The following TRIML1 variants were observed in gnomAD, a reference collection of about 807,000 sequenced individuals.
TRIML1 encodes tripartite motif family like 1.
TRIML1 carries 34 observed loss-of-function variants against 32.3 expected under a neutral mutation model. That is an observed-to-expected ratio of 1.05 (90% CI 0.80 to 1.40). The LOEUF is 1.40. Ranked by LOEUF, TRIML1 falls within the 40% of genes most tolerant of loss-of-function variation. The pLI, the probability that TRIML1 is intolerant of heterozygous loss-of-function variation, is 0.00. For missense variants in TRIML1, 595 were observed against 574.9 expected (o/e 1.03, Z -0.36); for synonymous variants, 244 against 226.6 (o/e 1.08, Z -0.69).
chr4:188,141,418 G>T (rs192430071), intron 2 of TRIML1, among the ~76,000 whole-genome samples: 1 of 151,834 alleles, frequency 6.6e-6, no homozygotes, highest in Non-Finnish European at 1.5e-5. Flanking sequence ...CACCTGTCTC[G>T]GTCTCCCAAA....
chr4:188,148,078 G>A (rs996798397), downstream of TRIML1, among the ~76,000 whole-genome samples: 2 of 152,174 alleles, frequency 1.3e-5, no homozygotes, highest in Non-Finnish European at 2.9e-5. Context: ...ATCATGACAC[G>A]GGATGCCAAG....
Position 188,146,972 on chromosome 4 carries a change from TCAC to T in TRIML1, c.1010_1012del (p.Thr337del). On this transcript the variant is annotated inframe_deletion, in exon 6 of 6. Coordinates refer to ENST00000332517, the MANE Select transcript of TRIML1 (RefSeq NM_178556.5). ...GCGACTGTGCTGGGTACTCAGATCT[TCAC>T]CAGTGGGAGACACTACTGGGAGGTG... is the stretch of plus-strand genomic sequence containing the variant. The T allele has an allele frequency of 6.4e-7, 1 of 1,560,252 alleles. No homozygotes were observed. The highest frequency in any genetic ancestry group is 8.7e-7 in the Non-Finnish European group (1 of 1,153,692).
chr4:188,142,273 C>G lies in TRIML1; in HGVS notation c.526C>G (p.Gln176Glu). Residue 176 changes from glutamine (Q) to glutamate (E), a missense_variant, in exon 3 of 6, where the codon CAG becomes GAG. Physicochemically the swap from Gln to Glu is conservative, Grantham distance 29. Transcript: ENST00000332517. ...LCQEETKTCK[Q>E]VVVSEYMKMH... ...GCAGGAAGAAACAAAGACTTGTAAA[C>G]AGGTTGTTGTGTCAGAATACATGAA... The G allele has an allele frequency of 6.2e-7, 1 of 1,609,058 alleles. No individual in the cohort carries two copies. Among genetic ancestry groups the G allele is most frequent in the Non-Finnish European group, 8.5e-7 (1 of 1,178,606 alleles).
chr4:188,137,503 G>T (rs1367837555), upstream of TRIML1, among the ~76,000 whole-genome samples: 1 of 133,782 alleles, frequency 7.5e-6, no homozygotes, highest in Non-Finnish European at 1.6e-5. Flanking sequence ...TTGAGACAGA[G>T]TTTCGCTTTT....
intron 5 of TRIML1, among the ~76,000 whole-genome samples, chr4:188,144,998 A>C (rs1735015480): frequency 6.6e-6 from 1 of 152,124 alleles, no homozygotes; most frequent in South Asian, 2.1e-4. Context: ...GCACTATGCT[A>C]CTGGGCTCTG....
At chr4:188,146,800 C>T (rs1735097926) in intron 5 of TRIML1, 22 bp from the exon 6 acceptor site, 1 of 1,348,146 alleles carries the variant, frequency 7.4e-7, no homozygotes, top group African/African-American at 1.5e-5. Flanking sequence ...CAAGGGAAAT[C>T]TCTTCTTTCC....
In TRIML1 at chr4:188,147,456, A is replaced by T. The variant is rs1735132770; in HGVS notation, c.*84A>T. The T allele has an allele frequency of 8.1e-7, 1 of 1,227,382 alleles. No homozygotes were observed. The highest frequency in any genetic ancestry group is 1.1e-6 in the Non-Finnish European group (1 of 950,354). The allele number at this position is 1,227,382 out of a possible 1,614,324, so 76.0% of individuals were successfully genotyped here. A position where few individuals can be genotyped will look rare whatever the true frequency, so the allele number is the denominator to read the frequency against. The stretch of plus-strand genomic sequence containing the variant: ...GACGATGAAGGCATCGACAGTATTA[A>T]TGTCAGGTGATCTGAAATAAACTCC... On this transcript the variant is annotated 3_prime_UTR_variant, in exon 6 of 6. Transcript: ENST00000332517.
upstream of TRIML1, among the ~76,000 whole-genome samples, chr4:188,137,293 G>GTT (rs1318117223): frequency 8.5e-6 from 1 of 117,206 alleles, no homozygotes; most frequent in African/African-American, 3.1e-5. Flanking sequence ...TGTTATTGTA[G>GTT]TCTTTTTTTT....
At chr4:188,150,206 G>A (rs998633549), downstream of TRIML1, among the ~76,000 whole-genome samples, 16 of 151,270 alleles carry the variant, frequency 1.1e-4, no homozygotes, top group African/African-American at 3.6e-4. Context: ...GCTCACTGCA[G>A]CCTCCTCCCC....
In TRIML1 at chr4:188,147,604, T is replaced by C. The variant is rs1386910003; in HGVS notation, c.*232T>C. 1 of 378,488 alleles carries C rather than the reference T, an allele frequency of 2.6e-6. No homozygotes were observed. Among genetic ancestry groups the C allele is most frequent in the Non-Finnish European group, 4.7e-6 (1 of 214,472 alleles). 23.4% of individuals were successfully genotyped at this position (378,488 alleles called of 1,614,324 possible). A position where few individuals can be genotyped will look rare whatever the true frequency, so the allele number is the denominator to read the frequency against. ...ATCATATTCTGTGTCTTTAAGTAAATGTATTCTCTGGGCTACCCCATGTGT... is the reference window on the plus strand; with the variant it reads ...ATCATATTCTGTGTCTTTAAGTAAACGTATTCTCTGGGCTACCCCATGTGT... On this transcript the variant is annotated 3_prime_UTR_variant, in exon 6 of 6. Transcript: ENST00000332517.
intron 2 of TRIML1, 35 bp from the exon 3 acceptor site, chr4:188,142,205 CTCGTGTGTGTGT>C: frequency 2.6e-6 from 3 of 1,173,736 alleles, no homozygotes; most frequent in South Asian, 1.4e-5. Context: ...CTAACTTTAT[CTCGTGTGTGTGT>C]GTGTGTGTGT....
chr4:188,142,513 A>C (rs1341603434), intron 3 of TRIML1, 31 bp downstream of exon 3: 1 of 1,511,050 alleles, frequency 6.6e-7, no homozygotes, highest in South Asian at 1.1e-5. Flanking sequence ...AGTAATGGGA[A>C]AAATTATAGT....
chr4:188,149,416 G>A (rs1735194611), downstream of TRIML1, among the ~76,000 whole-genome samples: 1 of 152,102 alleles, frequency 6.6e-6, no homozygotes, highest in Non-Finnish European at 1.5e-5. Context: ...TCAGAGTTTT[G>A]TCTGTAAATT....
intron 2 of TRIML1, 136 bp from the exon 3 acceptor site, chr4:188,142,109 CCATCTCA>C: frequency 1.7e-6 from 1 of 572,804 alleles, no homozygotes; most frequent in East Asian, 3.0e-5. Context: ...GAGTGAGACT[CCATCTCA>C]AAAAAAAAAA....
In TRIML1 at chr4:188,147,391, T is replaced by A; in HGVS notation, c.*19T>A. On this transcript the variant is annotated 3_prime_UTR_variant, in exon 6 of 6. Transcript: ENST00000332517. ...CGTCTGAGGGGCGTGCCCTGAGCCG[T>A]CACAGCGGGCGATGTCTGAGACCAA... is the stretch of plus-strand genomic sequence containing the variant. The A allele has an allele frequency of 6.8e-7, 1 of 1,461,332 alleles. No individual in the cohort carries two copies. The highest frequency in any genetic ancestry group is 9.0e-7 in the Non-Finnish European group (1 of 1,108,222). The allele number at this position is 1,461,332 out of a possible 1,614,324, so 90.5% of individuals were successfully genotyped here. A position where few individuals can be genotyped will look rare whatever the true frequency, so the allele number is the denominator to read the frequency against.
At chr4:188,141,165 G>GTTTTTTTTTTTTT (rs58714915) in intron 2 of TRIML1, among the ~76,000 whole-genome samples, 1,461 of 118,696 alleles carry the variant, frequency 0.012, 58 homozygotes, top group East Asian at 0.056. Context: ...TTTGAAATCT[G>GTTTTTTTTTTTTT]TTTTTTTTTT....
rs1260934960 is a variant in TRIML1, at chr4:188,146,899, G to A, written c.934G>A (p.Gly312Arg). 3 of 1,495,784 alleles carry A rather than the reference G, an allele frequency of 2.0e-6. No individual in the cohort carries two copies. Among genetic ancestry groups the A allele is most frequent in the Non-Finnish European group, 2.7e-6 (3 of 1,122,066 alleles). The allele number at this position is 1,495,784 out of a possible 1,614,324, so 92.7% of individuals were successfully genotyped here. A position where few individuals can be genotyped will look rare whatever the true frequency, so the allele number is the denominator to read the frequency against. Residue 312 changes from glycine to arginine, a missense_variant, in exon 6 of 6, where the codon GGA (glycine) becomes AGA (arginine). By Grantham distance (125) the Gly-to-Arg change is moderately radical (BLOSUM62 -2). Coordinates refer to ENST00000332517, the MANE Select transcript of TRIML1 (RefSeq NM_178556.5). The part of the protein sequence containing the change: ...SEDLKSVKYG[G>R]SRQQLPDNPE... ...GGATCTGAAGAGTGTGAAATATGGG[G>A]GAAGCAGACAGCAGCTACCCGACAA...
chr4:188,140,487 G>A, intron 1 of TRIML1, 41 bp from the exon 2 acceptor site: 2 of 1,530,102 alleles, frequency 1.3e-6, no homozygotes, highest in Non-Finnish European at 1.8e-6. Context: ...CATGACCTGG[G>A]ACTCTGCTCA....
In TRIML1 at chr4:188,140,544, T is replaced by A; in HGVS notation, c.425T>A (p.Ile142Asn). 1 of 1,613,998 alleles carries A rather than the reference T, an allele frequency of 6.2e-7. No homozygotes were observed. Among genetic ancestry groups the A allele is most frequent in the South Asian group, 1.1e-5 (1 of 91,084 alleles). The change falls in exon 2 of 6, where the codon ATC (isoleucine) becomes AAC (asparagine). Residue 142 changes from isoleucine to asparagine, a missense_variant. By Grantham distance (149) the Ile-to-Asn change is moderately radical (BLOSUM62 -3). Coordinates refer to ENST00000332517, the MANE Select transcript of TRIML1 (RefSeq NM_178556.5). The part of the protein sequence containing the change: ...EEHHREKLQE[I>N]LNLLRVRRKE... ...CTATTGCAGGAGAAACTCCAGGAAATCCTGAATCTTTTGCGTGTAAGGAGA... is the reference window on the plus strand; with the variant it reads ...CTATTGCAGGAGAAACTCCAGGAAAACCTGAATCTTTTGCGTGTAAGGAGA...
Sources: allele counts gnomAD v4.1 joint callset (sites outside exome capture counted in the v4.1 genomes callset), GRCh38; gene constraint gnomAD v4.1.1; transcripts MANE v1.5; gene names NCBI Gene and HGNC (gene_info 2026-07-23, HGNC 2026-07-21).